Variants in ADAMTS6 observed in about 807,000 individuals in gnomAD.
The protein encoded by ADAMTS6 is A disintegrin and metalloproteinase with thrombospondin motifs 6.
Under a neutral mutation model 144.3 loss-of-function variants are expected in ADAMTS6, and 23 were observed. The observed-to-expected ratio is 0.16, with a 90% CI of 0.11 to 0.23. ADAMTS6 has a LOEUF of 0.23. Ranked by LOEUF, ADAMTS6 falls within the 10% of genes least tolerant of loss-of-function variation. ADAMTS6 has a pLI of 1.00. For synonymous variants in ADAMTS6, 444 were observed against 457.5 expected (o/e 0.97, Z 0.38); for missense variants, 999 against 1,379.6 (o/e 0.72, Z 4.37).
At chr5:65,389,113 A>T (rs1752706889) in intron 7 of ADAMTS6, among the ~76,000 whole-genome samples, 1 of 152,334 alleles carries the variant, frequency 6.6e-6, no homozygotes, top group Admixed American at 6.5e-5. Flanking sequence ...CTGAGGCACC[A>T]GAATGGCGTG....
intron 11 of ADAMTS6, among the ~76,000 whole-genome samples, chr5:65,276,392 G>C (rs2112677473): frequency 6.6e-6 from 1 of 152,240 alleles, no homozygotes; most frequent in Non-Finnish European, 1.5e-5. Context: ...CATGGAGAAG[G>C]CTCTGAAGAG....
At chr5:65,175,328 CAAAA>C (rs1318528010) in intron 22 of ADAMTS6, among the ~76,000 whole-genome samples, 2 of 141,694 alleles carry the variant, frequency 1.4e-5, no homozygotes, top group South Asian at 4.5e-4. Flanking sequence ...AAAGCAAAGT[CAAAA>C]AGAGAGAGAC....
chr5:65,224,991 G>A lies in ADAMTS6; in HGVS notation c.2124C>T (p.Val708=), dbSNP rs763243773. 2 of 1,614,068 alleles carry A rather than the reference G, an allele frequency of 1.2e-6. No homozygotes were observed. Among genetic ancestry groups the A allele is most frequent in the South Asian group, 2.2e-5 (2 of 91,072 alleles). Residue 708 remains valine (V), a synonymous_variant, in exon 17 of 25, where the codon GTC becomes GTT. Coordinates refer to ENST00000381055, the MANE Select transcript of ADAMTS6 (RefSeq NM_197941.4). ...GSDAREDRCR[V]CGGDGSTCDA... ...CACATGTGCTTCCGTCCCCTCCACAGACTCGACATCTATCTTCCCTAGCAT... is the reference window on the plus strand; with the variant it reads ...CACATGTGCTTCCGTCCCCTCCACAAACTCGACATCTATCTTCCCTAGCAT...
chr5:65,283,168 G>A (rs961709652), intron 11 of ADAMTS6, among the ~76,000 whole-genome samples: 7 of 152,032 alleles, frequency 4.6e-5, no homozygotes, highest in African/African-American at 1.7e-4. Flanking sequence ...TGCTTAGAAA[G>A]GTTACTTATC....
At chr5:65,324,610 A>C (rs1025010717) in intron 9 of ADAMTS6, among the ~76,000 whole-genome samples, 1 of 151,970 alleles carries the variant, frequency 6.6e-6, no homozygotes, top group African/African-American at 2.4e-5. Context: ...AGTCTTTATC[A>C]TATTTATATG....
At chr5:65,453,905 T>C (rs567046181) in intron 4 of ADAMTS6, among the ~76,000 whole-genome samples, 2 of 152,328 alleles carry the variant, frequency 1.3e-5, no homozygotes, top group South Asian at 4.1e-4. Context: ...ACAAATTGCA[T>C]TGGTAGGTGC....
rs1756832242 is a variant in ADAMTS6 at position 65,215,269 on chromosome 5, A to G, written c.2436+55T>C. ...GAGATAATAAAACCTGCCCCTTCCT[A>G]CCTCACAAGGGGGAATTAAAAACAG... On this transcript the variant is annotated intron_variant, in intron 19 of 24. Coordinates refer to ENST00000381055, the MANE Select transcript of ADAMTS6 (RefSeq NM_197941.4). 5 of 1,564,442 alleles carry G rather than the reference A, an allele frequency of 3.2e-6. No individual in the cohort carries two copies. The Admixed American group carries it at 5.7e-5, about 18-fold the overall frequency.
At chr5:65,225,150 G>C (rs965883350) in intron 16 of ADAMTS6, 103 bp from the exon 17 acceptor site, 21 of 1,315,852 alleles carry the variant, frequency 1.6e-5, no homozygotes, top group Non-Finnish European at 2.0e-5. Flanking sequence ...TTCCAGTAAA[G>C]AAAAGAAAAA....
intron 7 of ADAMTS6, among the ~76,000 whole-genome samples, chr5:65,373,291 G>C (rs570976493): frequency 2.0e-5 from 3 of 150,732 alleles, no homozygotes; most frequent in Non-Finnish European, 4.4e-5. Flanking sequence ...GACACAAAAA[G>C]CCCTTCAAAA....
intron 9 of ADAMTS6, among the ~76,000 whole-genome samples, chr5:65,328,999 T>G (rs1024701125): frequency 5.3e-5 from 8 of 152,072 alleles, no homozygotes; most frequent in Admixed American, 4.6e-4. Flanking sequence ...GACAGCTGTA[T>G]GAAGAGTGAA....
At chr5:65,419,331 G>A (rs1002070724) in intron 7 of ADAMTS6, among the ~76,000 whole-genome samples, 2 of 152,154 alleles carry the variant, frequency 1.3e-5, no homozygotes, top group African/African-American at 4.8e-5. Context: ...TCACTTATAG[G>A]TGGGAGCTAA....
At chr5:65,409,131 G>A (rs1194192468) in intron 7 of ADAMTS6, among the ~76,000 whole-genome samples, 2 of 152,006 alleles carry the variant, frequency 1.3e-5, no homozygotes, top group African/African-American at 2.4e-5. Context: ...CTAGCAGAAG[G>A]CAAGAAATAA....
At chr5:65,355,321 C>T (rs986634607) in intron 7 of ADAMTS6, among the ~76,000 whole-genome samples, 7 of 151,738 alleles carry the variant, frequency 4.6e-5, no homozygotes, top group African/African-American at 1.7e-4. Flanking sequence ...TCAGAATGAT[C>T]CTCCAAATAA....
At chr5:65,281,056 G>T (rs960288089) in intron 11 of ADAMTS6, among the ~76,000 whole-genome samples, 2 of 151,998 alleles carry the variant, frequency 1.3e-5, no homozygotes, top group Non-Finnish European at 1.5e-5. Flanking sequence ...TTTTTTCAGG[G>T]TATACTATCA....
chr5:65,371,396 C>T (rs917029636), intron 7 of ADAMTS6, among the ~76,000 whole-genome samples: 2 of 151,870 alleles, frequency 1.3e-5, no homozygotes, highest in Non-Finnish European at 2.9e-5. Context: ...GAAGGTATAA[C>T]TAGAATAACC....
At position 65,262,884 on chromosome 5, in the gene ADAMTS6, A is replaced by G; in HGVS notation, c.1699T>C (p.Trp567Arg). The G allele has an allele frequency of 6.2e-7, 1 of 1,611,886 alleles. No individual in the cohort carries two copies. Among genetic ancestry groups the G allele is most frequent in the African/African-American group, 1.3e-5 (1 of 74,928 alleles). The change falls in exon 13 of 25, where the codon TGG becomes CGG. Residue 567 changes from tryptophan (W) to arginine (R), a missense_variant. Trp to Arg is a moderately radical substitution (Grantham distance 101). Transcript: ENST00000381055. Reference protein sequence around the residue: ...IDGGWGPWSLWGECSRTCGGG... With the variant: ...IDGGWGPWSLRGECSRTCGGG... ...CCGCAGGTCCTGCTGCACTCTCCCC[A>G]TAGTGACCAGGGACCCCAGCCCCCA...
chr5:65,226,024 G>A (rs1194417403), intron 16 of ADAMTS6, 62 bp downstream of exon 16: 2 of 1,530,116 alleles, frequency 1.3e-6, no homozygotes, highest in South Asian at 1.3e-5. Context: ...TTAAATAGGA[G>A]TTAATGAGAA....
intron 9 of ADAMTS6, among the ~76,000 whole-genome samples, chr5:65,302,650 T>C (rs556335539): frequency 5.2e-4 from 79 of 152,200 alleles, no homozygotes; most frequent in African/African-American, 1.8e-3. Context: ...ATCAAACATA[T>C]ATTCTGTCAA....
chr5:65,308,277 T>A (rs1478271451), intron 9 of ADAMTS6, among the ~76,000 whole-genome samples: 1 of 152,210 alleles, frequency 6.6e-6, no homozygotes, highest in African/African-American at 2.4e-5. Context: ...GAACTACTGG[T>A]GCCTATGCAT....
Sources: allele counts gnomAD v4.1 joint callset (sites outside exome capture counted in the v4.1 genomes callset), GRCh38; gene constraint gnomAD v4.1.1; transcripts MANE v1.5; gene names NCBI Gene and HGNC (gene_info 2026-07-23, HGNC 2026-07-21).